Variants in CNTN6 observed in about 807,000 individuals in gnomAD.
CNTN6 encodes contactin-6.
CNTN6 carries 137 observed loss-of-function variants against 122.8 expected under a neutral mutation model. That is an observed-to-expected ratio of 1.12 (90% CI 0.97 to 1.29). The LOEUF is 1.29. Ranked by LOEUF, CNTN6 falls within the 50% of genes most tolerant of loss-of-function variation. The pLI is 0.00. For synonymous variants in CNTN6, 570 were observed against 426.0 expected, an observed-to-expected ratio of 1.34 and a Z score of -4.16; for missense variants, 1,634 against 1,223.4, an observed-to-expected ratio of 1.34 and a Z score of -5.01.
chr3:1,132,473 C>G (rs1367311280), intron 1 of CNTN6, among the ~76,000 whole-genome samples: 1 of 151,722 alleles, frequency 6.6e-6, no homozygotes, highest in Non-Finnish European at 1.5e-5. Context: ...GCCTGTGATC[C>G]CAGCTCTTTG....
chr3:1,384,477 A>G (rs1692442311), intron 19 of CNTN6, among the ~76,000 whole-genome samples: 2 of 152,174 alleles, frequency 1.3e-5, no homozygotes, highest in South Asian at 4.1e-4. Flanking sequence ...TAGTCTATGA[A>G]GAATAAGGCA....
chr3:1,278,583 C>A (rs145311986), intron 5 of CNTN6, 75 bp downstream of exon 5: 5 of 969,476 alleles, frequency 5.2e-6, no homozygotes, highest in Middle Eastern at 2.2e-4. Flanking sequence ...AGGTCTTAGG[C>A]TCAGTGATCA....
chr3:1,122,811 A>G (rs932715967), intron 1 of CNTN6, among the ~76,000 whole-genome samples: 1 of 151,840 alleles, frequency 6.6e-6, no homozygotes, highest in East Asian at 1.9e-4. Flanking sequence ...ATAATATTCC[A>G]TTTTATGTAC....
rs1446146255 is a variant in CNTN6 at position 1,295,673 on chromosome 3, A to G, written c.527A>G (p.Gln176Arg). ...VQEDNRRFVS[Q>R]ETGNLYIAKV... ...GAGGACAATAGGCGATTTGTATCTCAAGAGACGGGAAACTTGTACATTGCC... is the reference window on the plus strand; with the variant it reads ...GAGGACAATAGGCGATTTGTATCTCGAGAGACGGGAAACTTGTACATTGCC... The change falls in exon 6 of 23, where the codon CAA (glutamine) becomes CGA (arginine). Residue 176 changes from glutamine to arginine, a missense_variant. Coordinates refer to ENST00000446702, the MANE Select transcript of CNTN6 (RefSeq NM_001289080.2). The G allele has an allele frequency of 6.2e-7, 1 of 1,613,352 alleles. No individual in the cohort carries two copies. Among genetic ancestry groups the G allele is most frequent in the Non-Finnish European group, 8.5e-7 (1 of 1,179,428 alleles).
At chr3:1,198,423 G>T (rs2093809408) in intron 2 of CNTN6, among the ~76,000 whole-genome samples, 1 of 152,098 alleles carries the variant, frequency 6.6e-6, no homozygotes, top group Admixed American at 6.6e-5. Flanking sequence ...CACACAAATT[G>T]CATTTTGAAA....
intron 4 of CNTN6, among the ~76,000 whole-genome samples, chr3:1,240,282 G>A (rs1017457142): frequency 1.3e-5 from 2 of 152,124 alleles, no homozygotes; most frequent in African/African-American, 4.8e-5. Context: ...TCCAACGAAT[G>A]ACTGATATCG....
At chr3:1,159,715 C>A (rs1433836352) in intron 2 of CNTN6, among the ~76,000 whole-genome samples, 1 of 151,936 alleles carries the variant, frequency 6.6e-6, no homozygotes, top group African/African-American at 2.4e-5. Flanking sequence ...TCAAACTTAA[C>A]TTCACATTGG....
rs1187493575 is a variant in CNTN6, at chr3:1,373,941, G to T, written c.1963G>T (p.Gly655Cys). The T allele has an allele frequency of 6.2e-7, 1 of 1,611,262 alleles. No individual in the cohort carries two copies. The highest frequency in any genetic ancestry group is 1.1e-5 in the South Asian group (1 of 90,738). Residue 655 changes from glycine to cysteine, a missense_variant, in exon 16 of 23, where the codon GGT (glycine) becomes TGT (cysteine). Coordinates refer to ENST00000446702, the MANE Select transcript of CNTN6 (RefSeq NM_001289080.2). ...AVATVPEILN[G>C]KTYNATVVGL... ...CTTTTTAGTTCCAGAAATTCTCAAT[G>T]GTAAGACATACAATGCAACAGTGGT...
chr3:1,093,898 G>A (rs2090376691), intron 1 of CNTN6, among the ~76,000 whole-genome samples: 1 of 152,102 alleles, frequency 6.6e-6, no homozygotes, highest in Non-Finnish European at 1.5e-5. Context: ...GGGGAAAATT[G>A]GAATTCATAG....
At chr3:1,248,300 A>C (rs1559606175) in intron 4 of CNTN6, among the ~76,000 whole-genome samples, 1 of 152,198 alleles carries the variant, frequency 6.6e-6, no homozygotes, top group East Asian at 1.9e-4. Context: ...GAATTTATAC[A>C]AATAAACCAC....
chr3:1,333,807 A>T (rs1702659872), intron 11 of CNTN6, among the ~76,000 whole-genome samples: 1 of 152,120 alleles, frequency 6.6e-6, no homozygotes, highest in African/African-American at 2.4e-5. Flanking sequence ...AACAGCTTCC[A>T]TCACACAGCT....
intron 2 of CNTN6, among the ~76,000 whole-genome samples, chr3:1,175,848 T>C (rs2093439371): frequency 2.0e-5 from 3 of 151,314 alleles, no homozygotes; most frequent in Non-Finnish European, 4.4e-5. Flanking sequence ...AATTGAAGGG[T>C]TAAAAGTGAG....
intron 11 of CNTN6, among the ~76,000 whole-genome samples, chr3:1,339,011 G>C (rs1559866621): frequency 2.0e-5 from 3 of 151,774 alleles, no homozygotes; most frequent in African/African-American, 7.2e-5. Flanking sequence ...TAATAGTATA[G>C]AAATCAGTCT....
At chr3:1,127,412 CTTTAAG>C (rs956243613) in intron 1 of CNTN6, among the ~76,000 whole-genome samples, 18 of 151,808 alleles carry the variant, frequency 1.2e-4, no homozygotes, top group African/African-American at 1.9e-4. Flanking sequence ...TACATAAATT[CTTTAAG>C]TTTAAAGTTA....
chr3:1,285,547 C>T (rs1046777471), intron 5 of CNTN6, among the ~76,000 whole-genome samples: 1 of 152,182 alleles, frequency 6.6e-6, no homozygotes, highest in African/African-American at 2.4e-5. Context: ...TGAATACTTA[C>T]TATGTACTAG....
chr3:1,367,365 A>ACTT (rs1453502172), intron 12 of CNTN6, among the ~76,000 whole-genome samples: 52 of 151,838 alleles, frequency 3.4e-4, no homozygotes, highest in African/African-American at 1.2e-3. Flanking sequence ...GCTACTCTCT[A>ACTT]CTATGTAAGA....
intron 4 of CNTN6, among the ~76,000 whole-genome samples, chr3:1,269,334 C>T (rs942509603): frequency 2.0e-5 from 3 of 152,248 alleles, no homozygotes; most frequent in African/African-American, 7.2e-5. Context: ...TTAAGGAATT[C>T]GTTAGTGGGT....
chr3:1,396,716 C>A (rs1458935930), intron 20 of CNTN6, among the ~76,000 whole-genome samples: 1 of 152,112 alleles, frequency 6.6e-6, no homozygotes, highest in African/African-American at 2.4e-5. Context: ...CTTTCTTTCA[C>A]TTTATAAGTT....
intron 2 of CNTN6, among the ~76,000 whole-genome samples, chr3:1,183,645 C>A (rs1206771486): frequency 6.6e-6 from 1 of 152,002 alleles, no homozygotes; most frequent in Non-Finnish European, 1.5e-5. Flanking sequence ...GGATTCAAAT[C>A]CCTTATTCCA....
Sources: allele counts gnomAD v4.1 joint callset (sites outside exome capture counted in the v4.1 genomes callset), GRCh38; gene constraint gnomAD v4.1.1; transcripts MANE v1.5; gene names NCBI Gene and HGNC (gene_info 2026-07-23, HGNC 2026-07-21).